The following PTGIS variants were observed in gnomAD, a reference collection of about 807,000 sequenced individuals.
PTGIS encodes the protein prostacyclin synthase.
Under a neutral mutation model 50.3 loss-of-function variants are expected in PTGIS, and 45 were observed. That is an observed-to-expected ratio of 0.90 (90% CI 0.70 to 1.15). The LOEUF is 1.15. Ranked by LOEUF, PTGIS falls within the 50% of genes most tolerant of loss-of-function variation. The pLI is 0.00. For synonymous variants in PTGIS, 260 were observed against 267.7 expected, an observed-to-expected ratio of 0.97 and a Z score of 0.28; for missense variants, 668 against 661.3, an observed-to-expected ratio of 1.01 and a Z score of -0.11.
chr20:49,531,273 T>C (rs190619419), intron 5 of PTGIS, among the ~76,000 whole-genome samples: 1 of 152,244 alleles, frequency 6.6e-6, no homozygotes, highest in East Asian at 1.9e-4. Flanking sequence ...AGGAATTCAG[T>C]GCATATGGGA....
chr20:49,505,074 G>C lies in PTGIS; in HGVS notation c.*2846C>G, dbSNP rs1311717697. 7.6e-6 allele frequency: 1 copy of C among 132,264 alleles called. No individual in the cohort carries two copies. Among genetic ancestry groups the C allele is most frequent in the East Asian group, 2.2e-4 (1 of 4,488 alleles). 8.2% of individuals were successfully genotyped at this position (132,264 alleles called of 1,614,324 possible). A position where few individuals can be genotyped will look rare whatever the true frequency, so the allele number is the denominator to read the frequency against. ...GGAGGCAGAGCTTGCAGTGAGCCGA[G>C]ATCACGCCACTGCACTCTAGCCTGG... On this transcript the variant is annotated 3_prime_UTR_variant, in exon 10 of 10. Transcript: ENST00000244043.
chr20:49,528,118 T>C (rs975350376), intron 5 of PTGIS, among the ~76,000 whole-genome samples: 3 of 151,890 alleles, frequency 2.0e-5, no homozygotes, highest in African/African-American at 7.3e-5. Flanking sequence ...CCAGCCTGGG[T>C]GACAGAGTGA....
intron 1 of PTGIS, among the ~76,000 whole-genome samples, chr20:49,554,478 T>C (rs1365003164): frequency 6.6e-6 from 1 of 152,160 alleles, no homozygotes; most frequent in Non-Finnish European, 1.5e-5. Flanking sequence ...GACTCCTGGG[T>C]CTAAAAAGGA....
Position 49,511,199 on chromosome 20 carries a change from C to T in PTGIS, c.1207-20G>A, listed in dbSNP as rs1276776459. ...AAATACCTGAAATAGGAAGAAGGTC[C>T]TTTTCTGACCCCATTCCCAGAACAA... On this transcript the variant is annotated intron_variant, in intron 8 of 9. Coordinates refer to ENST00000244043, the MANE Select transcript of PTGIS (RefSeq NM_000961.4). 1 of 1,613,656 alleles carries T rather than the reference C, an allele frequency of 6.2e-7. No individual in the cohort carries two copies. The highest frequency in any genetic ancestry group is 1.7e-5 in the Admixed American group (1 of 59,994).
intron 5 of PTGIS, among the ~76,000 whole-genome samples, chr20:49,534,881 C>G (rs1228066034): frequency 6.6e-6 from 1 of 152,186 alleles, no homozygotes; most frequent in African/African-American, 2.4e-5. Flanking sequence ...TGGCACGTGC[C>G]TGTAGTCCCA....
intron 5 of PTGIS, among the ~76,000 whole-genome samples, chr20:49,531,475 G>C (rs1981934244): frequency 6.6e-6 from 1 of 152,196 alleles, no homozygotes; most frequent in Non-Finnish European, 1.5e-5. Context: ...CAACAAAACA[G>C]ATACGGAGAA....
At position 49,541,287 on chromosome 20, in the gene PTGIS, C is replaced by A. The variant is rs575238476; in HGVS notation, c.522-1566G>T. ...CAGACACGTGCTTGCCAGGCCACTG[C>A]GGTACTCCCAAGGCCCTGTGGTCTC... On this transcript the variant is annotated intron_variant, in intron 4 of 9. Transcript: ENST00000244043. 1.3e-4 allele frequency among the ~76,000 whole-genome samples: 19 copies of A among 151,872 alleles called. No homozygotes were observed. The South Asian group carries it at 4.0e-3, about 32-fold the overall frequency.
At chr20:49,511,949 A>C (rs565889609) in intron 8 of PTGIS, among the ~76,000 whole-genome samples, 4 of 151,816 alleles carry the variant, frequency 2.6e-5, no homozygotes, top group African/African-American at 9.7e-5. Flanking sequence ...GGATGAATGG[A>C]CAAATGGATG....
rs11337451 is a variant in PTGIS, at chr20:49,509,881, C to CT, written c.1358+1146dup. Among the ~76,000 whole-genome samples the CT allele has an allele frequency of 6.6e-3, 615 of 93,344 alleles. 7 individuals carry two copies. Among genetic ancestry groups the CT allele is most frequent in the Admixed American group, 9.2e-3 (78 of 8,460 alleles). The allele number at this position is 93,344 out of a possible 152,430, so 61.2% of individuals were successfully genotyped here. A position where few individuals can be genotyped will look rare whatever the true frequency, so the allele number is the denominator to read the frequency against. On this transcript the variant is annotated intron_variant, in intron 9 of 9. Coordinates refer to ENST00000244043, the MANE Select transcript of PTGIS (RefSeq NM_000961.4). The stretch of plus-strand genomic sequence containing the variant: ...CCTGCAGTTTTTTCTTTCTTTCTTT[C>CT]TTTTTTTTTTTTTTTTTTTTTTCTG...
rs1048884039 is a variant in PTGIS at position 49,515,773 on chromosome 20, T to G, written c.856-1378A>C. ...GGCTCTGTGTGTACCGATGTGGGAC[T>G]GTAGCCAAGACACACAGAAGCATGC... is the stretch of plus-strand genomic sequence containing the variant. On this transcript the variant is annotated intron_variant, in intron 6 of 9. Coordinates refer to ENST00000244043, the MANE Select transcript of PTGIS (RefSeq NM_000961.4). Among the ~76,000 whole-genome samples the G allele has an allele frequency of 6.6e-5, 10 of 152,314 alleles. No homozygotes were observed. In the East Asian group the frequency reaches 1.5e-3, roughly 24 times the overall value.
intron 9 of PTGIS, 90 bp downstream of exon 9, chr20:49,510,938 C>G (rs1981299855): frequency 4.7e-6 from 6 of 1,290,092 alleles, no homozygotes; most frequent in African/African-American, 1.5e-5. Flanking sequence ...AAACCATTCT[C>G]CTGGCTGAGC....
chr20:49,522,966 G>A (rs540814555), intron 6 of PTGIS, among the ~76,000 whole-genome samples: 57 of 152,254 alleles, frequency 3.7e-4, no homozygotes, highest in Middle Eastern at 3.4e-3. Flanking sequence ...AGAGGTTGCC[G>A]TGAGCCGAGA....
chr20:49,527,443 A>G (rs908956680), intron 5 of PTGIS, among the ~76,000 whole-genome samples: 27 of 151,724 alleles, frequency 1.8e-4, no homozygotes, highest in Admixed American at 1.7e-3. Flanking sequence ...GGCGACAGAG[A>G]CTCTGTCTCC....
chr20:49,527,071 A>C (rs1226719089), intron 5 of PTGIS, among the ~76,000 whole-genome samples: 1 of 152,180 alleles, frequency 6.6e-6, no homozygotes, highest in Non-Finnish European at 1.5e-5. Context: ...GAAACAACCC[A>C]AATGTCGGTT....
In PTGIS at chr20:49,507,929, G is replaced by T. The variant is rs1478382527; in HGVS notation, c.1494C>A (p.Ile498=). 2 of 1,612,370 alleles carry T rather than the reference G, an allele frequency of 1.2e-6. No individual in the cohort carries two copies. Among genetic ancestry groups the T allele is most frequent in the Non-Finnish European group, 1.7e-6 (2 of 1,180,032 alleles). ...CCATCTGCTCCCTGTGTCATGGGCGGATGCGGTAGCGGACGGGCACGTCGT... is the reference window on the plus strand; with the variant it reads ...CCATCTGCTCCCTGTGTCATGGGCGTATGCGGTAGCGGACGGGCACGTCGT... The part of the protein sequence containing the change: ...PEHDVPVRYR[I]RP Residue 498 remains isoleucine, a synonymous_variant, in exon 10 of 10, where the codon ATC becomes ATA. Transcript: ENST00000244043.
intron 1 of PTGIS, among the ~76,000 whole-genome samples, chr20:49,552,517 T>TTCTC (rs142485904): frequency 1.3e-5 from 2 of 151,192 alleles, no homozygotes; most frequent in African/African-American, 2.4e-5. Context: ...CCCTCTTTCT[T>TTCTC]TCTCTCTCTC....
intron 6 of PTGIS, 134 bp downstream of exon 6, chr20:49,523,924 C>T: frequency 8.8e-7 from 1 of 1,137,794 alleles, no homozygotes; most frequent in Non-Finnish European, 1.3e-6. Flanking sequence ...CAAATGCACA[C>T]CTACATACAC....
At chr20:49,508,803 C>G (rs1981232299) in intron 9 of PTGIS, among the ~76,000 whole-genome samples, 1 of 152,244 alleles carries the variant, frequency 6.6e-6, no homozygotes, top group Non-Finnish European at 1.5e-5. Flanking sequence ...CTATTCGCAG[C>G]TGCCATGCCT....
At chr20:49,519,892 G>C (rs1009998886) in intron 6 of PTGIS, among the ~76,000 whole-genome samples, 5 of 146,080 alleles carry the variant, frequency 3.4e-5, no homozygotes, top group Non-Finnish European at 6.0e-5. Context: ...AACCACCCCT[G>C]ACCCTGGCCC....
Sources: allele counts gnomAD v4.1 joint callset (sites outside exome capture counted in the v4.1 genomes callset), GRCh38; gene constraint gnomAD v4.1.1; transcripts MANE v1.5; gene names NCBI Gene and HGNC (gene_info 2026-07-23, HGNC 2026-07-21).